Variants in AKT3 observed in about 807,000 individuals in gnomAD.
AKT3 encodes the protein RAC-gamma serine/threonine-protein kinase.
In AKT3, 15 loss-of-function variants were observed where a neutral mutation model predicts 65.3. The ratio of observed to expected loss-of-function variants is 0.23; its 90% CI spans 0.15 to 0.35. The LOEUF (loss-of-function observed/expected upper bound fraction) is 0.35. AKT3 is among the 10% of genes least tolerant of loss of function. The pLI is 1.00. For missense variants in AKT3, 243 were observed against 576.5 expected, an observed-to-expected ratio of 0.42 and a Z score of 5.92; for synonymous variants, 206 against 183.8, an observed-to-expected ratio of 1.12 and a Z score of -0.98.
chr1:243,513,891 G>A (rs1426475620), intron 12 of AKT3, among the ~76,000 whole-genome samples: 13 of 152,284 alleles, frequency 8.5e-5, no homozygotes, highest in African/African-American at 2.9e-4. Flanking sequence ...TGAGCAAGCA[G>A]GTCACTCCAC....
chr1:243,490,503 CAG>C (rs1666141384), intron 13 of AKT3, among the ~76,000 whole-genome samples: 1 of 152,244 alleles, frequency 6.6e-6, no homozygotes, highest in Non-Finnish European at 1.5e-5. Context: ...CTGGAAAGAA[CAG>C]AGAATTATTC....
intron 8 of AKT3, 88 bp downstream of exon 8, chr1:243,613,583 C>T: frequency 2.0e-6 from 2 of 991,036 alleles, no homozygotes; most frequent in East Asian, 2.7e-5. Flanking sequence ...AAATGGAGAA[C>T]TGCTATATTG....
intron 2 of AKT3, among the ~76,000 whole-genome samples, chr1:243,724,571 T>A (rs1687099704): frequency 6.6e-6 from 1 of 152,228 alleles, no homozygotes; most frequent in Non-Finnish European, 1.5e-5. Flanking sequence ...TCAGTTTTTG[T>A]GTAAATATGA....
intron 3 of AKT3, among the ~76,000 whole-genome samples, chr1:243,688,277 G>A (rs945888820): frequency 6.6e-6 from 1 of 151,860 alleles, no homozygotes; most frequent in African/African-American, 2.4e-5. Context: ...ATATAGCAAT[G>A]TATGTCAAAA....
intron 3 of AKT3, among the ~76,000 whole-genome samples, chr1:243,676,708 C>T (rs945560712): frequency 6.6e-6 from 1 of 152,210 alleles, no homozygotes; most frequent in Admixed American, 6.5e-5. Flanking sequence ...TCATCTCTGG[C>T]TCGTCCTTCT....
At chr1:243,509,780 C>A in intron 13 of AKT3, among the ~76,000 whole-genome samples, 1 of 152,058 alleles carries the variant, frequency 6.6e-6, no homozygotes. Context: ...ACTCTCGGTG[C>A]CTCTCCTAAA....
chr1:243,544,931 C>G (rs182636607), intron 12 of AKT3, among the ~76,000 whole-genome samples: 22 of 151,776 alleles, frequency 1.4e-4, no homozygotes. Context: ...CTCCTGGCCT[C>G]AAGTGATCCT....
chr1:243,789,666 G>A (rs577931247), intron 2 of AKT3, among the ~76,000 whole-genome samples: 165 of 152,276 alleles, frequency 1.1e-3, no homozygotes, highest in Admixed American at 2.1e-3. Flanking sequence ...CATCTAGAAT[G>A]GTGAGTCCTT....
chr1:243,597,155 T>C (rs1676673833), intron 8 of AKT3, among the ~76,000 whole-genome samples: 1 of 152,178 alleles, frequency 6.6e-6, no homozygotes, highest in African/African-American at 2.4e-5. Flanking sequence ...TGCATATATA[T>C]GTTTGTCAGA....
intron 8 of AKT3, among the ~76,000 whole-genome samples, chr1:243,610,658 A>G (rs1266238806): frequency 6.6e-6 from 1 of 152,252 alleles, no homozygotes; most frequent in African/African-American, 2.4e-5. Context: ...TGAAAAATAC[A>G]TAAATGAAAA....
chr1:243,706,337 T>C (rs765758186), intron 2 of AKT3, among the ~76,000 whole-genome samples: 1 of 152,188 alleles, frequency 6.6e-6, no homozygotes, highest in Non-Finnish European at 1.5e-5. Context: ...ATAACAATAA[T>C]GGTGCCTCAC....
chr1:243,770,064 A>G (rs1252893830), intron 2 of AKT3, among the ~76,000 whole-genome samples: 2 of 152,194 alleles, frequency 1.3e-5, no homozygotes, highest in Non-Finnish European at 2.9e-5. Context: ...CTTGAAGACT[A>G]TTCTTCCACA....
Position 243,659,842 on chromosome 1 carries a change from T to G in AKT3, c.284+4930A>C, listed in dbSNP as rs538380656. On this transcript the variant is annotated intron_variant, in intron 4 of 13. Coordinates refer to ENST00000673466, the MANE Select transcript of AKT3 (RefSeq NM_005465.7). Reference sequence around the variant, plus strand: ...AACTCACACTAACCCTCTCTAAGTCTTCAATGATATTACACTAAAGTCATA... The same window carrying G: ...AACTCACACTAACCCTCTCTAAGTCGTCAATGATATTACACTAAAGTCATA... Among the ~76,000 whole-genome samples, 20 of 152,352 alleles carry G rather than the reference T, an allele frequency of 1.3e-4. No homozygotes were observed. The South Asian group carries it at 3.7e-3, about 28-fold the overall frequency.
At position 243,625,137 on chromosome 1, in the gene AKT3, T is replaced by G. The variant is rs1679063028; in HGVS notation, c.562-9976A>C. ...ACTGCAGTTTGTGTTTTTTTTTTTT[T>G]TTTTTTTTTTTTGAGAGGGAGTCTC... On this transcript the variant is annotated intron_variant, in intron 6 of 13. Transcript: ENST00000673466. The G allele has an allele frequency of 4.4e-5, 7 of 158,884 alleles. No homozygotes were observed. The South Asian group carries it at 6.6e-4, about 15-fold the overall frequency. The allele number at this position is 158,884 out of a possible 1,614,324, so 9.8% of individuals were successfully genotyped here.
intron 2 of AKT3, among the ~76,000 whole-genome samples, chr1:243,712,987 A>C (rs1354972868): frequency 3.3e-5 from 5 of 152,238 alleles, no homozygotes. Context: ...AGGCCAGGTT[A>C]CTATATAACT....
At chr1:243,779,812 G>T (rs190246132) in intron 2 of AKT3, among the ~76,000 whole-genome samples, 4 of 152,226 alleles carry the variant, frequency 2.6e-5, no homozygotes, top group Admixed American at 2.6e-4. Flanking sequence ...GTCCCAGCAA[G>T]TCCTCAAAAA....
intron 2 of AKT3, among the ~76,000 whole-genome samples, chr1:243,715,284 T>C (rs1189710588): frequency 6.6e-6 from 1 of 152,130 alleles, no homozygotes; most frequent in Non-Finnish European, 1.5e-5. Context: ...AGAAATAAAC[T>C]TGGTCACCCA....
intron 2 of AKT3, among the ~76,000 whole-genome samples, chr1:243,751,237 T>C (rs143680638): frequency 1.3e-5 from 2 of 152,306 alleles, no homozygotes; most frequent in African/African-American, 4.8e-5. Context: ...TCTATACAAC[T>C]TTTATAAAAC....
At chr1:243,494,044 C>T (rs1349066153) in intron 13 of AKT3, among the ~76,000 whole-genome samples, 1 of 152,120 alleles carries the variant, frequency 6.6e-6, no homozygotes, top group East Asian at 1.9e-4. Flanking sequence ...CTGGGGGCCT[C>T]GCCCAGCTGA....
Sources: allele counts gnomAD v4.1 joint callset (sites outside exome capture counted in the v4.1 genomes callset), GRCh38; gene constraint gnomAD v4.1.1; transcripts MANE v1.5; gene names NCBI Gene and HGNC (gene_info 2026-07-23, HGNC 2026-07-21).